The following PRKD1 variants were observed in gnomAD, a reference collection of about 807,000 sequenced individuals.
The protein encoded by PRKD1 is protein kinase D1.
PRKD1 carries 63 observed loss-of-function variants against 95.9 expected under a neutral mutation model. That is an observed-to-expected ratio of 0.66 (90% CI 0.54 to 0.81). The LOEUF (loss-of-function observed/expected upper bound fraction) is 0.81, where lower values mean the gene tolerates loss of function less well. PRKD1 is among the 30% of genes least tolerant of loss of function. The pLI, the probability that PRKD1 is intolerant of heterozygous loss-of-function variation, is 0.00. For synonymous variants in PRKD1, 425 were observed against 423.1 expected (o/e 1.00, Z -0.05); for missense variants, 1,048 against 1,165.3 (o/e 0.90, Z 1.47).
intron 2 of PRKD1, among the ~76,000 whole-genome samples, chr14:29,677,189 A>G (rs1883280081): frequency 2.0e-5 from 3 of 152,230 alleles, no homozygotes; most frequent in African/African-American, 7.2e-5. Flanking sequence ...TTATTATTGT[A>G]CTTACTGAAA....
chr14:29,865,667 G>A (rs539257041), intron 1 of PRKD1, among the ~76,000 whole-genome samples: 57 of 152,278 alleles, frequency 3.7e-4, no homozygotes, highest in African/African-American at 1.2e-3. Flanking sequence ...TCCAGAACCA[G>A]AAGACAAATA....
intron 1 of PRKD1, among the ~76,000 whole-genome samples, chr14:29,755,822 C>T (rs778750808): frequency 6.6e-5 from 10 of 152,158 alleles, no homozygotes; most frequent in Non-Finnish European, 1.2e-4. Flanking sequence ...TAGCTTTGAT[C>T]TCACTTTCAA....
At chr14:29,810,769 C>T (rs573661591) in intron 1 of PRKD1, among the ~76,000 whole-genome samples, 1 of 152,100 alleles carries the variant, frequency 6.6e-6, no homozygotes, top group Non-Finnish European at 1.5e-5. Flanking sequence ...CAGTCAGGCA[C>T]CAAAGTGGGG....
At chr14:29,819,462 A>G (rs1890820502) in intron 1 of PRKD1, among the ~76,000 whole-genome samples, 1 of 152,086 alleles carries the variant, frequency 6.6e-6, no homozygotes, top group Non-Finnish European at 1.5e-5. Context: ...AGGCCGAGGC[A>G]GGCGGATCAC....
intron 2 of PRKD1, among the ~76,000 whole-genome samples, chr14:29,719,604 C>T (rs1456275420): frequency 6.6e-6 from 1 of 152,184 alleles, no homozygotes; most frequent in African/African-American, 2.4e-5. Flanking sequence ...CTACTCTCTG[C>T]AGGACATAGG....
chr14:29,713,348 C>G (rs1313226713), intron 2 of PRKD1, among the ~76,000 whole-genome samples: 1 of 151,968 alleles, frequency 6.6e-6, no homozygotes, highest in East Asian at 1.9e-4. Flanking sequence ...GTACATTTAC[C>G]CAAAATCTAG....
chr14:29,785,029 C>A (rs1198888120), intron 1 of PRKD1, among the ~76,000 whole-genome samples: 2 of 152,128 alleles, frequency 1.3e-5, no homozygotes, highest in Non-Finnish European at 2.9e-5. Context: ...CTGCTATAAC[C>A]CCGCTCAAAA....
chr14:29,645,549 G>A (rs1881070753), intron 4 of PRKD1, among the ~76,000 whole-genome samples: 2 of 152,072 alleles, frequency 1.3e-5, no homozygotes, highest in Non-Finnish European at 2.9e-5. Context: ...CAGAGTAACA[G>A]CTTAAGACAG....
At chr14:29,921,381 T>C (rs747934531) in intron 1 of PRKD1, among the ~76,000 whole-genome samples, 18 of 151,414 alleles carry the variant, frequency 1.2e-4, no homozygotes, top group Admixed American at 7.2e-4. Context: ...TAATTATATA[T>C]TGATATAAGA....
At chr14:29,758,882 T>A (rs1468299745) in intron 1 of PRKD1, among the ~76,000 whole-genome samples, 1 of 152,218 alleles carries the variant, frequency 6.6e-6, no homozygotes, top group Non-Finnish European at 1.5e-5. Context: ...TCTTGTCACA[T>A]CAGTTATTTT....
chr14:29,844,668 T>C (rs1367738150), intron 1 of PRKD1, among the ~76,000 whole-genome samples: 1 of 152,164 alleles, frequency 6.6e-6, no homozygotes, highest in Admixed American at 6.5e-5. Context: ...TTTATCCCCA[T>C]TTAGCAGGAT....
chr14:29,742,283 G>A (rs1008072335), intron 1 of PRKD1, among the ~76,000 whole-genome samples: 15 of 152,158 alleles, frequency 9.9e-5, no homozygotes, highest in African/African-American at 3.4e-4. Context: ...CAACATTAGT[G>A]ACGTTTATTA....
At chr14:29,882,184 T>C (rs1893537099) in intron 1 of PRKD1, among the ~76,000 whole-genome samples, 1 of 152,218 alleles carries the variant, frequency 6.6e-6, no homozygotes, top group Non-Finnish European at 1.5e-5. Flanking sequence ...TAAATACATA[T>C]TTGAATATTG....
At chr14:29,599,154 T>C (rs758906884) in intron 14 of PRKD1, 29 bp from the exon 15 acceptor site, 3 of 1,573,532 alleles carry the variant, frequency 1.9e-6, no homozygotes, top group South Asian at 2.2e-5. Context: ...AAAATTTCAT[T>C]CCAGTTTATT....
intron 1 of PRKD1, among the ~76,000 whole-genome samples, chr14:29,729,873 A>G (rs1886346545): frequency 1.3e-5 from 2 of 152,038 alleles, no homozygotes; most frequent in South Asian, 4.1e-4. Context: ...CTATCATACC[A>G]TATATAAAAA....
At chr14:29,765,526 T>C (rs750464798) in intron 1 of PRKD1, among the ~76,000 whole-genome samples, 9 of 152,116 alleles carry the variant, frequency 5.9e-5, no homozygotes, top group Non-Finnish European at 1.2e-4. Context: ...GTTCCACTCC[T>C]CCATATACCC....
intron 1 of PRKD1, among the ~76,000 whole-genome samples, chr14:29,746,154 G>C (rs1366043197): frequency 2.0e-5 from 3 of 151,374 alleles, no homozygotes; most frequent in Non-Finnish European, 4.4e-5. Context: ...GTCTCTGAGG[G>C]CCTAATTCTC....
intron 1 of PRKD1, among the ~76,000 whole-genome samples, chr14:29,821,454 G>C (rs1163735275): frequency 6.6e-6 from 1 of 152,146 alleles, no homozygotes; most frequent in Non-Finnish European, 1.5e-5. Flanking sequence ...TCCTGACTAT[G>C]ATATTAGCCT....
In PRKD1 at chr14:29,849,582, A is replaced by C. The variant is rs867558505; in HGVS notation, c.264+77667T>G. Among the ~76,000 whole-genome samples, 1,025 of 151,934 alleles carry C rather than the reference A, an allele frequency of 6.7e-3. 4 individuals are homozygous for C. Among genetic ancestry groups the C allele is most frequent in the Admixed American group, 0.014 (210 of 15,244 alleles). ...AACAACAACAACAACAACAACAAAA[A>C]AAAAACTACCAATCAGAAAACGCCC... On this transcript the variant is annotated intron_variant, in intron 1 of 17. Coordinates refer to ENST00000331968, the MANE Select transcript of PRKD1 (RefSeq NM_002742.3).
Sources: allele counts gnomAD v4.1 joint callset (sites outside exome capture counted in the v4.1 genomes callset), GRCh38; gene constraint gnomAD v4.1.1; transcripts MANE v1.5; gene names NCBI Gene and HGNC (gene_info 2026-07-23, HGNC 2026-07-21).